The following DENND1A variants were observed in gnomAD, a reference collection of about 807,000 sequenced individuals.
DENND1A encodes DENN domain-containing protein 1A.
Under a neutral mutation model 113.7 loss-of-function variants are expected in DENND1A, and 51 were observed. The ratio of observed to expected loss-of-function variants is 0.45; its 90% CI spans 0.36 to 0.57. DENND1A has a LOEUF of 0.57. Ranked by LOEUF, DENND1A falls within the 20% of genes least tolerant of loss-of-function variation. The pLI, the probability that DENND1A is intolerant of heterozygous loss-of-function variation, is 0.00. For synonymous variants in DENND1A, 565 were observed against 570.8 expected, an observed-to-expected ratio of 0.99 and a Z score of 0.14; for missense variants, 1,258 against 1,395.9, an observed-to-expected ratio of 0.90 and a Z score of 1.57.
intron 22 of DENND1A, 111 bp from the exon 23 acceptor site, chr9:123,384,024 G>A (rs2042428174): frequency 8.4e-6 from 12 of 1,421,486 alleles, no homozygotes; most frequent in Admixed American, 4.1e-5. Flanking sequence ...AGGGGCCTGC[G>A]GGACAGGAGA....
chr9:123,890,252 A>G (rs1287370936), intron 1 of DENND1A, among the ~76,000 whole-genome samples: 3 of 152,204 alleles, frequency 2.0e-5, no homozygotes, highest in Non-Finnish European at 4.4e-5. Flanking sequence ...TGCCTGTCCA[A>G]AAATTACTCA....
intron 11 of DENND1A, among the ~76,000 whole-genome samples, chr9:123,609,067 A>G (rs916806715): frequency 6.6e-6 from 1 of 152,242 alleles, no homozygotes; most frequent in Non-Finnish European, 1.5e-5. Flanking sequence ...GATTCTATAT[A>G]CATTTTATAT....
chr9:123,689,675 G>A (rs1359419032), intron 5 of DENND1A, among the ~76,000 whole-genome samples: 2 of 152,058 alleles, frequency 1.3e-5, no homozygotes, highest in African/African-American at 4.8e-5. Flanking sequence ...AAATAATAGT[G>A]GTTGAAAAGA....
At chr9:123,488,992 G>C (rs1588797631) in intron 13 of DENND1A, among the ~76,000 whole-genome samples, 1 of 152,252 alleles carries the variant, frequency 6.6e-6, no homozygotes, top group Non-Finnish European at 1.5e-5. Flanking sequence ...TATAGCGAAG[G>C]CTTCAAAGGT....
At chr9:123,890,958 T>C (rs887374636) in intron 1 of DENND1A, among the ~76,000 whole-genome samples, 2 of 151,256 alleles carry the variant, frequency 1.3e-5, no homozygotes, top group South Asian at 2.1e-4. Context: ...ATTCCACTAA[T>C]TTTTTTTTAA....
intron 1 of DENND1A, among the ~76,000 whole-genome samples, chr9:123,927,444 C>T (rs887176809): frequency 2.0e-5 from 3 of 151,980 alleles, no homozygotes; most frequent in Non-Finnish European, 4.4e-5. Context: ...TGTTCTTAGT[C>T]TTTTGATACA....
chr9:123,859,718 T>C (rs1054662703), intron 2 of DENND1A, among the ~76,000 whole-genome samples: 2 of 152,188 alleles, frequency 1.3e-5, no homozygotes, highest in Non-Finnish European at 2.9e-5. Flanking sequence ...CCATCATCAT[T>C]AGATTCCCCA....
intron 3 of DENND1A, among the ~76,000 whole-genome samples, chr9:123,770,847 G>A (rs953945072): frequency 3.3e-5 from 5 of 152,032 alleles, no homozygotes; most frequent in African/African-American, 9.7e-5. Context: ...GATGCTTCTC[G>A]CTTCATTTAT....
chr9:123,559,265 C>G (rs573843540), intron 12 of DENND1A, among the ~76,000 whole-genome samples: 2 of 152,132 alleles, frequency 1.3e-5, no homozygotes, highest in African/African-American at 4.8e-5. Context: ...GGATTTTTTT[C>G]CTTCATCTTG....
At chr9:123,758,522 G>A (rs1393784505) in intron 4 of DENND1A, among the ~76,000 whole-genome samples, 1 of 152,056 alleles carries the variant, frequency 6.6e-6, no homozygotes, top group Non-Finnish European at 1.5e-5. Flanking sequence ...AAGAAAACAG[G>A]GCAAGCTTAG....
intron 19 of DENND1A, among the ~76,000 whole-genome samples, chr9:123,421,462 T>C (rs2045297895): frequency 6.6e-6 from 1 of 152,060 alleles, no homozygotes; most frequent in Non-Finnish European, 1.5e-5. Context: ...TCGGGTCCGC[T>C]CCTCTCTCTC....
intron 13 of DENND1A, among the ~76,000 whole-genome samples, chr9:123,477,163 C>T (rs2049981017): frequency 6.6e-6 from 1 of 152,196 alleles, no homozygotes; most frequent in Admixed American, 6.5e-5. Flanking sequence ...TGAGGCCAAG[C>T]CTGGCTTGCT....
intron 11 of DENND1A, among the ~76,000 whole-genome samples, chr9:123,596,424 G>C (rs571341965): frequency 1.3e-5 from 2 of 152,254 alleles, no homozygotes; most frequent in Non-Finnish European, 2.9e-5. Context: ...CTATATTTTA[G>C]AATGTATTAT....
chr9:123,411,864 C>T, intron 19 of DENND1A, 35 bp from the exon 20 acceptor site: 3 of 985,410 alleles, frequency 3.0e-6, no homozygotes, highest in Non-Finnish European at 3.6e-6. Context: ...CATCAGGACA[C>T]ACTGAGAAGG....
chr9:123,771,480 C>G (rs1215091014), intron 3 of DENND1A, among the ~76,000 whole-genome samples: 1 of 152,166 alleles, frequency 6.6e-6, no homozygotes, highest in Admixed American at 6.5e-5. Flanking sequence ...GTATTCAGTG[C>G]TCACTCATTG....
intron 1 of DENND1A, among the ~76,000 whole-genome samples, chr9:123,896,919 C>T (rs962981998): frequency 6.6e-6 from 1 of 152,104 alleles, no homozygotes; most frequent in Admixed American, 6.6e-5. Flanking sequence ...TGAGACATAG[C>T]CAACAGCTGT....
intron 3 of DENND1A, among the ~76,000 whole-genome samples, chr9:123,789,054 T>G (rs1564273713): frequency 6.6e-6 from 1 of 151,132 alleles, no homozygotes; most frequent in Non-Finnish European, 1.5e-5. Context: ...AACCCCTGCT[T>G]TTGCCTTGTT....
chr9:123,922,783 A>G (rs146416028), intron 1 of DENND1A, among the ~76,000 whole-genome samples: 1 of 152,344 alleles, frequency 6.6e-6, no homozygotes, highest in East Asian at 1.9e-4. Flanking sequence ...ACATAACAGT[A>G]TCTTGAAGAG....
intron 13 of DENND1A, among the ~76,000 whole-genome samples, chr9:123,479,790 C>G (rs1434882137): frequency 6.6e-6 from 1 of 152,256 alleles, no homozygotes; most frequent in Non-Finnish European, 1.5e-5. Context: ...ACGAATCTTC[C>G]ACTTGCTTTG....
Sources: allele counts gnomAD v4.1 joint callset (sites outside exome capture counted in the v4.1 genomes callset), GRCh38; gene constraint gnomAD v4.1.1; transcripts MANE v1.5; gene names NCBI Gene and HGNC (gene_info 2026-07-23, HGNC 2026-07-21).